Variants in CHL1 observed in about 807,000 individuals in gnomAD.
CHL1 encodes cell adhesion molecule L1 like, also known as neural cell adhesion molecule L1-like protein.
CHL1 carries 96 observed loss-of-function variants against 141.9 expected under a neutral mutation model. That is an observed-to-expected ratio of 0.68 (90% confidence interval 0.57 to 0.80). CHL1 has a LOEUF of 0.80. CHL1 is among the 30% of genes least tolerant of loss of function. CHL1 has a pLI of 0.00. For missense variants in CHL1, 1,820 were observed against 1,457.2 expected (o/e 1.25, Z -4.05); for synonymous variants, 613 against 502.2 (o/e 1.22, Z -2.95).
intron 2 of CHL1, among the ~76,000 whole-genome samples, chr3:250,684 G>A (rs1693607626): frequency 6.6e-6 from 1 of 152,010 alleles, no homozygotes; most frequent in Non-Finnish European, 1.5e-5. Flanking sequence ...AAACCTTATT[G>A]CCAAAGTGGC....
chr3:227,546 T>C (rs947246257), intron 1 of CHL1, among the ~76,000 whole-genome samples: 3 of 152,172 alleles, frequency 2.0e-5, no homozygotes, highest in Admixed American at 1.3e-4. Context: ...ACAAAAGGCA[T>C]GCATAGAAAT....
At chr3:317,294 T>C (rs1700217199) in intron 2 of CHL1, among the ~76,000 whole-genome samples, 1 of 151,982 alleles carries the variant, frequency 6.6e-6, no homozygotes, top group Admixed American at 6.6e-5. Context: ...GAATAATTAG[T>C]ATCTATAAGC....
intron 1 of CHL1, among the ~76,000 whole-genome samples, chr3:211,715 A>G (rs1201293432): frequency 6.6e-6 from 1 of 152,192 alleles, no homozygotes; most frequent in Non-Finnish European, 1.5e-5. Flanking sequence ...TAGTTTTCAT[A>G]TTTCAAAAAC....
At chr3:229,608 G>A (rs888698390) in intron 1 of CHL1, among the ~76,000 whole-genome samples, 13 of 152,064 alleles carry the variant, frequency 8.5e-5, no homozygotes, top group African/African-American at 2.9e-4. Context: ...TTAGAGGAAG[G>A]AAACTTTTGT....
At chr3:379,039 C>T (rs1706698835) in intron 16 of CHL1, among the ~76,000 whole-genome samples, 1 of 152,094 alleles carries the variant, frequency 6.6e-6, no homozygotes. Context: ...TTGGTTTTGC[C>T]TACCCTTCTT....
chr3:282,702 G>A (rs1421229942), intron 2 of CHL1: 1 of 152,082 alleles, frequency 6.6e-6, no homozygotes, highest in East Asian at 1.9e-4. Context: ...AATGTGAATG[G>A]CTTCACAAAT....
At chr3:334,890 T>C (rs1701745435) in intron 5 of CHL1, among the ~76,000 whole-genome samples, 1 of 152,198 alleles carries the variant, frequency 6.6e-6, no homozygotes, top group Non-Finnish European at 1.5e-5. Flanking sequence ...GTCACAAGAA[T>C]GTGTATTATA....
In CHL1 at chr3:343,014, C is replaced by T. The variant is rs1335565430; in HGVS notation, c.710C>T (p.Thr237Ile). 1.2e-6 allele frequency: 2 copies of T among 1,608,026 alleles called. No homozygotes were observed. The highest frequency in any genetic ancestry group is 1.7e-5 in the Admixed American group (1 of 58,480). ...CATGCTAATGACTCAAGTTCATCCA[C>T]AGAAATTGGTTCCAAGGGTAAGTTG... ...LKHANDSSSS[T>I]EIGSKANSIK... The change falls in exon 8 of 28, where the codon ACA becomes ATA. Residue 237 changes from threonine to isoleucine, a missense_variant. Transcript: ENST00000256509.
chr3:221,925 CTT>C (rs1377146651), intron 1 of CHL1, among the ~76,000 whole-genome samples: 1 of 152,056 alleles, frequency 6.6e-6, no homozygotes, highest in Non-Finnish European at 1.5e-5. Context: ...GATTTTATGA[CTT>C]AGGTTTCTGT....
At chr3:293,305 C>G (rs995201764) in intron 2 of CHL1, among the ~76,000 whole-genome samples, 4 of 152,022 alleles carry the variant, frequency 2.6e-5, no homozygotes, top group African/African-American at 4.8e-5. Flanking sequence ...AGTTTGAGAC[C>G]AGCCTTGCCA....
At chr3:205,104 C>CTTTCTTTCTTTCT (rs59728908) in intron 1 of CHL1, among the ~76,000 whole-genome samples, 1 of 129,128 alleles carries the variant, frequency 7.7e-6, no homozygotes, top group Non-Finnish European at 1.6e-5. Flanking sequence ...TTCTTTCTTT[C>CTTTCTTTCTTTCT]TTTTTTTTTT....
In CHL1 at chr3:360,336, C is replaced by A. The variant is rs946726541; in HGVS notation, c.1218C>A (p.Asn406Lys). The A allele has an allele frequency of 4.3e-6, 7 of 1,613,690 alleles. No homozygotes were observed. The highest frequency in any genetic ancestry group is 1.3e-5 in the African/African-American group (1 of 74,880). Residue 406 changes from asparagine to lysine, a missense_variant, in exon 12 of 28, where the codon AAC becomes AAA. Asn to Lys is a moderately conservative substitution (Grantham distance 94). Transcript: ENST00000256509. ...VVFPREISFT[N>K]LQPNHTAVYQ... ...TCCCCAGGGAAATCAGTTTTACCAA[C>A]CTTCAACCAAATCATACTGCTGTGT...
chr3:314,881 G>T (rs1432810004), intron 2 of CHL1, among the ~76,000 whole-genome samples: 2 of 152,134 alleles, frequency 1.3e-5, no homozygotes, highest in Admixed American at 1.3e-4. Flanking sequence ...TTATTACAGA[G>T]AGTGTGACCA....
In CHL1 at chr3:375,097, A is replaced by G. The variant is rs376195244; in HGVS notation, c.1752-2721A>G. On this transcript the variant is annotated intron_variant, in intron 15 of 27. Coordinates refer to ENST00000256509, the MANE Select transcript of CHL1 (RefSeq NM_006614.4). The stretch of plus-strand genomic sequence containing the variant: ...TTCTCTCTTTAGGCCTCCCAATAAT[A>G]CTATTAGGTAGATTGAAATGCCCCC... Among the ~76,000 whole-genome samples the G allele has an allele frequency of 1.9e-3, 296 of 152,042 alleles. 3 individuals carry two copies. Among genetic ancestry groups the G allele is most frequent in the African/African-American group, 6.5e-3 (269 of 41,458 alleles).
intron 1 of CHL1, among the ~76,000 whole-genome samples, chr3:205,125 TA>T (rs1281935822): frequency 1.4e-5 from 2 of 137,988 alleles, no homozygotes; most frequent in African/African-American, 5.3e-5. Context: ...TTTTTGGAGA[TA>T]GGGTCTGGCT....
intron 2 of CHL1, among the ~76,000 whole-genome samples, chr3:283,653 G>A (rs1559197952): frequency 6.6e-6 from 1 of 152,096 alleles, no homozygotes; most frequent in Non-Finnish European, 1.5e-5. Flanking sequence ...TAAACTATTG[G>A]CATTACTGAA....
chr3:198,007 GAGCCACAGTGTCTC>G, intron 1 of CHL1: 1 of 351,714 alleles, frequency 2.8e-6, no homozygotes, highest in Non-Finnish European at 5.7e-6. Flanking sequence ...GGCTCGCTGC[GAGCCACAGTGTCTC>G]AGCCAGGGGC....
chr3:347,505 T>C (rs758939517), intron 9 of CHL1, among the ~76,000 whole-genome samples: 9 of 152,162 alleles, frequency 5.9e-5, no homozygotes, highest in Non-Finnish European at 1.2e-4. Context: ...CTTTAGATCA[T>C]TATTTTACTT....
intron 11 of CHL1, among the ~76,000 whole-genome samples, chr3:359,928 G>GCAT: frequency 6.6e-6 from 1 of 152,156 alleles, no homozygotes; most frequent in Non-Finnish European, 1.5e-5. Flanking sequence ...GTGCCAGGCA[G>GCAT]CATCAGTGTC....
Sources: allele counts gnomAD v4.1 joint callset (sites outside exome capture counted in the v4.1 genomes callset), GRCh38; gene constraint gnomAD v4.1.1; transcripts MANE v1.5; gene names NCBI Gene and HGNC (gene_info 2026-07-23, HGNC 2026-07-21).